Variants in GOLM2 observed in about 807,000 individuals in gnomAD.
GOLM2 encodes golgi membrane protein 2.
A neutral mutation model predicts 55.9 loss-of-function variants in GOLM2; 26 were observed. That is an observed-to-expected ratio of 0.47 (90% CI 0.34 to 0.65). The LOEUF (loss-of-function observed/expected upper bound fraction) is 0.65, where lower values mean the gene tolerates loss of function less well. GOLM2 is among the 30% of genes least tolerant of loss of function. The pLI is 0.01. For synonymous variants in GOLM2, 165 were observed against 194.6 expected, an observed-to-expected ratio of 0.85 and a Z score of 1.27; for missense variants, 486 against 531.8, an observed-to-expected ratio of 0.91 and a Z score of 0.85.
intron 8 of GOLM2, among the ~76,000 whole-genome samples, chr15:44,392,417 GT>G (rs767201963): frequency 1.3e-3 from 205 of 152,160 alleles, no homozygotes; most frequent in South Asian, 3.9e-3. Flanking sequence ...GAGGTCAGGA[GT>G]TTGAGACCAG....
chr15:44,407,210 A>T (rs1436790834), intron 9 of GOLM2, among the ~76,000 whole-genome samples: 1 of 146,640 alleles, frequency 6.8e-6, no homozygotes, highest in African/African-American at 2.5e-5. Context: ...TTATATTTAT[A>T]TTATATATTT....
At chr15:44,396,367 T>A (rs56066845) in intron 8 of GOLM2, among the ~76,000 whole-genome samples, 37 of 151,098 alleles carry the variant, frequency 2.4e-4, no homozygotes, top group Admixed American at 6.0e-4. Context: ...AAAAAAAAAA[T>A]TTTTTTTTAA....
At chr15:44,334,752 C>T (rs1171640562) in intron 4 of GOLM2, among the ~76,000 whole-genome samples, 1 of 152,158 alleles carries the variant, frequency 6.6e-6, no homozygotes. Flanking sequence ...AGTGTAGTAG[C>T]TGGGGGCGGT....
chr15:44,317,535 G>A (rs1273875999), intron 1 of GOLM2, among the ~76,000 whole-genome samples: 2 of 152,166 alleles, frequency 1.3e-5, no homozygotes, highest in Admixed American at 6.5e-5. Flanking sequence ...AAGTTATTAC[G>A]GAGCAGTTCT....
At chr15:44,341,377 GC>G (rs770088796) in intron 6 of GOLM2, among the ~76,000 whole-genome samples, 2 of 151,826 alleles carry the variant, frequency 1.3e-5, no homozygotes, top group Non-Finnish European at 2.9e-5. Flanking sequence ...ACCACGCCTG[GC>G]ATATTTCCAC....
intron 9 of GOLM2, among the ~76,000 whole-genome samples, chr15:44,407,845 A>G (rs2141218868): frequency 6.8e-6 from 1 of 147,766 alleles, no homozygotes; most frequent in South Asian, 2.1e-4. Context: ...TCCCCCTCCC[A>G]GGTTCAAGCA....
At chr15:44,366,686 G>A (rs951022209) in intron 6 of GOLM2, among the ~76,000 whole-genome samples, 2 of 151,698 alleles carry the variant, frequency 1.3e-5, no homozygotes, top group Non-Finnish European at 2.9e-5. Context: ...TGTGAGAGGA[G>A]GAAAAAAGAT....
At chr15:44,320,281 AT>A (rs1419276286) in intron 1 of GOLM2, among the ~76,000 whole-genome samples, 5 of 152,000 alleles carry the variant, frequency 3.3e-5, no homozygotes, top group Non-Finnish European at 7.4e-5. Context: ...TTCTTACTGA[AT>A]ATCAACATTA....
chr15:44,381,823 T>A (rs886370422), intron 8 of GOLM2, among the ~76,000 whole-genome samples: 2 of 152,126 alleles, frequency 1.3e-5, no homozygotes, highest in African/African-American at 4.8e-5. Context: ...TTATTTTTAT[T>A]TATTTATTTT....
chr15:44,403,235 T>A, intron 9 of GOLM2, 181 bp downstream of exon 9: 1 of 616,510 alleles, frequency 1.6e-6, no homozygotes, highest in Non-Finnish European at 2.9e-6. Context: ...CGATCTTGGC[T>A]CACCGCAACC....
At chr15:44,294,346 G>A (rs1027442169) in intron 1 of GOLM2, among the ~76,000 whole-genome samples, 5 of 152,072 alleles carry the variant, frequency 3.3e-5, no homozygotes, top group African/African-American at 1.2e-4. Context: ...GGGAGGCTGA[G>A]GCTAGTGGAT....
intron 4 of GOLM2, among the ~76,000 whole-genome samples, chr15:44,334,915 C>T (rs765161579): frequency 5.9e-5 from 9 of 152,106 alleles, no homozygotes; most frequent in Non-Finnish European, 1.2e-4. Flanking sequence ...CCTGTAATCC[C>T]GGCTACTCAG....
chr15:44,392,674 T>C lies in GOLM2; in HGVS notation c.1073-10213T>C, dbSNP rs187331867. Among the ~76,000 whole-genome samples, 415 of 151,644 alleles carry C rather than the reference T, an allele frequency of 2.7e-3. 5 individuals carry two copies. Among genetic ancestry groups the C allele is most frequent in the Non-Finnish European group, 4.8e-3 (326 of 67,898 alleles). On this transcript the variant is annotated intron_variant, in intron 8 of 9. Coordinates refer to ENST00000299957, the MANE Select transcript of GOLM2 (RefSeq NM_138423.4). ...AACATTAGCAAGTCAAATCCAGAGA[T>C]AGATAAAAATTATATACATGATGAC... is the stretch of plus-strand genomic sequence containing the variant.
chr15:44,312,828 C>G (rs1242998980), intron 1 of GOLM2, among the ~76,000 whole-genome samples: 1 of 152,138 alleles, frequency 6.6e-6, no homozygotes, highest in Non-Finnish European at 1.5e-5. Flanking sequence ...CGCCTGTAAT[C>G]CCAGCACTTT....
intron 1 of GOLM2, among the ~76,000 whole-genome samples, chr15:44,308,786 T>G (rs1255111064): frequency 6.6e-6 from 1 of 152,044 alleles, no homozygotes; most frequent in Non-Finnish European, 1.5e-5. Context: ...AATTGACAAA[T>G]GGGATTACAT....
intron 6 of GOLM2, among the ~76,000 whole-genome samples, chr15:44,352,276 G>A (rs567032714): frequency 6.6e-6 from 1 of 152,288 alleles, no homozygotes; most frequent in South Asian, 2.1e-4. Flanking sequence ...TACATCTACA[G>A]TGAACTCATT....
chr15:44,332,972 C>T (rs781037768), intron 4 of GOLM2, among the ~76,000 whole-genome samples: 11 of 152,078 alleles, frequency 7.2e-5, no homozygotes, highest in East Asian at 1.9e-4. Flanking sequence ...CTCGCTCTGT[C>T]GCCCAGCTAG....
Position 44,374,528 on chromosome 15 carries a change from C to G in GOLM2, c.803-5162C>G, listed in dbSNP as rs2079351528. Among the ~76,000 whole-genome samples the G allele has an allele frequency of 2.6e-5, 4 of 152,098 alleles. No individual in the cohort carries two copies. In the South Asian group the frequency reaches 8.3e-4, roughly 32 times the overall value. ...AAAAGAAAAAAAAAATTACCAGAGACTGGGTAATTTATAAAGAAAGAGGTT... is the reference window on the plus strand; with the variant it reads ...AAAAGAAAAAAAAAATTACCAGAGAGTGGGTAATTTATAAAGAAAGAGGTT... On this transcript the variant is annotated intron_variant, in intron 6 of 9. Transcript: ENST00000299957.
intron 8 of GOLM2, among the ~76,000 whole-genome samples, chr15:44,386,040 A>T (rs1051722558): frequency 6.6e-6 from 1 of 152,118 alleles, no homozygotes; most frequent in African/African-American, 2.4e-5. Context: ...TTTAATTTTG[A>T]TGAGGTCCAA....
Sources: allele counts gnomAD v4.1 joint callset (sites outside exome capture counted in the v4.1 genomes callset), GRCh38; gene constraint gnomAD v4.1.1; transcripts MANE v1.5; gene names NCBI Gene and HGNC (gene_info 2026-07-23, HGNC 2026-07-21).